UVRAG: variants seen among roughly 807,000 people sequenced by gnomAD.
UVRAG encodes the protein UV radiation resistance-associated gene protein.
In UVRAG, 19 loss-of-function variants were observed where a neutral mutation model predicts 78.0. That is an observed-to-expected ratio of 0.24 (90% CI 0.17 to 0.36). The LOEUF (loss-of-function observed/expected upper bound fraction) is 0.36, where lower values mean the gene tolerates loss of function less well. Among genes scored for constraint, UVRAG ranks in the 10% least tolerant of loss-of-function variants. The pLI is 1.00. For synonymous variants in UVRAG, 323 were observed against 324.6 expected (o/e 1.00, Z 0.05); for missense variants, 740 against 853.8 (o/e 0.87, Z 1.66).
At chr11:75,855,184 C>G (rs1946261633) in intron 2 of UVRAG, among the ~76,000 whole-genome samples, 1 of 152,138 alleles carries the variant, frequency 6.6e-6, no homozygotes, top group South Asian at 2.1e-4. Flanking sequence ...TTTCTCTCTT[C>G]CAGCTCAGAT....
chr11:75,933,120 G>A (rs1277478788), intron 6 of UVRAG, among the ~76,000 whole-genome samples: 2 of 152,108 alleles, frequency 1.3e-5, no homozygotes, highest in East Asian at 3.9e-4. Flanking sequence ...CTACAGATCT[G>A]TAGTAAACAA....
At chr11:76,091,126 C>G (rs894857022) in intron 13 of UVRAG, among the ~76,000 whole-genome samples, 2 of 152,138 alleles carry the variant, frequency 1.3e-5, no homozygotes, top group Non-Finnish European at 2.9e-5. Flanking sequence ...TTATTCTTCT[C>G]TGACTGAAAT....
chr11:76,106,054 G>A (rs1263433164), intron 13 of UVRAG, among the ~76,000 whole-genome samples: 1 of 152,150 alleles, frequency 6.6e-6, no homozygotes, highest in Non-Finnish European at 1.5e-5. Context: ...CATACTTATA[G>A]CAACTTAATT....
At chr11:75,892,608 C>T (rs1947237266) in intron 5 of UVRAG, among the ~76,000 whole-genome samples, 1 of 152,184 alleles carries the variant, frequency 6.6e-6, no homozygotes. Flanking sequence ...ATGGTCAGTA[C>T]ATGCTTATTG....
At chr11:75,878,962 G>C (rs1039472352) in intron 3 of UVRAG, among the ~76,000 whole-genome samples, 4 of 151,662 alleles carry the variant, frequency 2.6e-5, no homozygotes, top group African/African-American at 4.8e-5. Flanking sequence ...TTAATGTAGG[G>C]GAAATAAGCA....
chr11:76,007,796 C>T (rs1482510385), intron 10 of UVRAG, among the ~76,000 whole-genome samples, 175 bp downstream of exon 10: 2 of 152,000 alleles, frequency 1.3e-5, no homozygotes, highest in Non-Finnish European at 2.9e-5. Flanking sequence ...GCCTTAGGTC[C>T]TACTATTTCA....
intron 5 of UVRAG, among the ~76,000 whole-genome samples, chr11:75,889,876 G>T (rs1381411002): frequency 6.6e-6 from 1 of 152,152 alleles, no homozygotes; most frequent in Non-Finnish European, 1.5e-5. Flanking sequence ...TATAATGAGG[G>T]CCTAACCTAT....
intron 6 of UVRAG, among the ~76,000 whole-genome samples, chr11:75,935,873 C>A (rs1164202435): frequency 6.6e-6 from 1 of 152,168 alleles, no homozygotes; most frequent in African/African-American, 2.4e-5. Flanking sequence ...CTCATTCATC[C>A]ATCCATTCAA....
intron 14 of UVRAG, among the ~76,000 whole-genome samples, chr11:76,129,456 T>A (rs1413321694): frequency 6.6e-6 from 1 of 152,196 alleles, no homozygotes; most frequent in African/African-American, 2.4e-5. Flanking sequence ...CTTTTTTCTC[T>A]CACTTTATTC....
intron 1 of UVRAG, among the ~76,000 whole-genome samples, chr11:75,827,429 G>A (rs112927370): frequency 0.025 from 3,810 of 152,122 alleles, 169 homozygotes; most frequent in African/African-American, 0.087. Flanking sequence ...GCCCAACATG[G>A]CGAAACCCCA....
At chr11:75,874,881 C>T (rs1235332213) in intron 3 of UVRAG, among the ~76,000 whole-genome samples, 1 of 152,194 alleles carries the variant, frequency 6.6e-6, no homozygotes, top group Non-Finnish European at 1.5e-5. Context: ...TGTCAGCTCT[C>T]TTCATTTTTC....
chr11:75,897,584 G>A (rs543158752), intron 5 of UVRAG, among the ~76,000 whole-genome samples: 69 of 152,160 alleles, frequency 4.5e-4, no homozygotes, highest in African/African-American at 1.5e-3. Flanking sequence ...GAGTGCAGTG[G>A]CATGATCTCG....
intron 6 of UVRAG, among the ~76,000 whole-genome samples, chr11:75,914,796 G>A (rs369214505): frequency 2.0e-5 from 3 of 151,892 alleles, no homozygotes; most frequent in East Asian, 1.9e-4. Context: ...GCCTGGCCCC[G>A]ATTCTGTTTT....
intron 2 of UVRAG, among the ~76,000 whole-genome samples, chr11:75,861,234 G>A (rs941059821): frequency 3.9e-5 from 6 of 152,200 alleles, no homozygotes; most frequent in Non-Finnish European, 8.8e-5. Context: ...GAGACATAGT[G>A]TTAGTGACAG....
chr11:75,908,613 T>C (rs956360340), intron 5 of UVRAG, among the ~76,000 whole-genome samples: 4 of 152,138 alleles, frequency 2.6e-5, no homozygotes, highest in East Asian at 1.9e-4. Context: ...TAGAATAACT[T>C]AAGAAGTATT....
chr11:76,024,081 G>A lies in UVRAG; in HGVS notation c.1226+7101G>A, dbSNP rs17134504. Among the ~76,000 whole-genome samples, 1,134 of 152,218 alleles carry A rather than the reference G, an allele frequency of 7.4e-3. 21 individuals carry two copies. The highest frequency in any genetic ancestry group is 0.051 in the East Asian group (265 of 5,182). ...TTCCAACCAGCCTTCTCCTAGTGCC[G>A]TAATGTTCAAATTAAGTGTCTTTCC... is the stretch of plus-strand genomic sequence containing the variant. On this transcript the variant is annotated intron_variant, in intron 12 of 14. Coordinates refer to ENST00000356136, the MANE Select transcript of UVRAG (RefSeq NM_003369.4).
At chr11:75,856,793 A>G (rs1485521043) in intron 2 of UVRAG, among the ~76,000 whole-genome samples, 1 of 152,176 alleles carries the variant, frequency 6.6e-6, no homozygotes, top group Non-Finnish European at 1.5e-5. Flanking sequence ...CTCTGAACTC[A>G]TACCCCTGTA....
intron 8 of UVRAG, among the ~76,000 whole-genome samples, chr11:76,003,450 A>C (rs890996099): frequency 3.3e-5 from 5 of 151,622 alleles, no homozygotes; most frequent in African/African-American, 1.2e-4. Context: ...CGAACTCCTG[A>C]CCTCAAGTGA....
At chr11:75,907,540 G>A (rs1947641876) in intron 5 of UVRAG, among the ~76,000 whole-genome samples, 2 of 151,766 alleles carry the variant, frequency 1.3e-5, no homozygotes, top group Admixed American at 6.6e-5. Flanking sequence ...TTTTGACAGA[G>A]TCTTGCTCTG....
Sources: gnomAD v4.1 joint callset for allele counts (sites outside exome capture counted in the v4.1 genomes callset) on GRCh38, gnomAD v4.1.1 for gene constraint, MANE v1.5 for transcripts, NCBI Gene and HGNC (gene_info 2026-07-23, HGNC 2026-07-21) for gene names.